Variants in SAXO2 observed in about 807,000 individuals in gnomAD.
SAXO2 encodes the protein stabilizer of axonemal microtubules 2.
Under a neutral mutation model 18.7 loss-of-function variants are expected in SAXO2, and 17 were observed. The observed-to-expected ratio is 0.91, with a 90% CI of 0.62 to 1.36. The LOEUF is 1.36. Ranked by LOEUF, SAXO2 falls within the 40% of genes most tolerant of loss-of-function variation. The probability of loss-of-function intolerance (pLI) is 0.00; values close to 1 mark genes in which losing one functional copy is unlikely to be tolerated. For synonymous variants in SAXO2, 163 were observed against 181.2 expected (o/e 0.90, Z 0.81); for missense variants, 486 against 562.6 (o/e 0.86, Z 1.38).
intron 1 of SAXO2, chr15:82,264,850 T>C: frequency 1.5e-6 from 1 of 650,326 alleles, no homozygotes; most frequent in Non-Finnish European, 2.8e-6. Context: ...GCCTCTATTA[T>C]GTTCCATGCA....
At chr15:82,263,616 C>T (rs1222522205) in intron 1 of SAXO2, among the ~76,000 whole-genome samples, 2 of 152,178 alleles carry the variant, frequency 1.3e-5, no homozygotes, top group Non-Finnish European at 2.9e-5. Context: ...TAATCCCATT[C>T]AAAGAAAACA....
rs955623841 is a variant in SAXO2, at chr15:82,284,187, T to C, written c.*1125T>C. On this transcript the variant is annotated 3_prime_UTR_variant, in exon 4 of 4. Transcript: ENST00000682753. Reference sequence around the variant, plus strand: ...ATCTCTTTTTGTACTTGTTTTCTCCTTTTCAAATTAGGATAATTACTTACT... The same window carrying C: ...ATCTCTTTTTGTACTTGTTTTCTCCCTTTCAAATTAGGATAATTACTTACT... The C allele has an allele frequency of 2.6e-4, 40 of 152,364 alleles. No individual in the cohort carries two copies. The highest frequency in any genetic ancestry group is 9.6e-4 in the African/African-American group (40 of 41,580). 9.4% of individuals were successfully genotyped at this position (152,364 alleles called of 1,614,324 possible). A position where few individuals can be genotyped will look rare whatever the true frequency, so the allele number is the denominator to read the frequency against.
chr15:82,266,867 C>G (rs369535325), intron 2 of SAXO2, among the ~76,000 whole-genome samples: 18 of 152,212 alleles, frequency 1.2e-4, no homozygotes, highest in African/African-American at 4.3e-4. Context: ...CTAGCACATA[C>G]TAGGTACCCA....
chr15:82,263,074 AT>A (rs1269686382), intron 1 of SAXO2, 142 bp downstream of exon 1: 1 of 1,513,200 alleles, frequency 6.6e-7, no homozygotes, highest in Non-Finnish European at 8.8e-7. Flanking sequence ...ATCCCCACTT[AT>A]CCCGCTCCGC....
intron 3 of SAXO2, among the ~76,000 whole-genome samples, chr15:82,273,686 T>G: frequency 6.6e-6 from 1 of 151,944 alleles, no homozygotes; most frequent in East Asian, 1.9e-4. Flanking sequence ...TAGGAGAAAA[T>G]GTACTGTGCC....
At chr15:82,264,131 C>T (rs562478743) in intron 1 of SAXO2, among the ~76,000 whole-genome samples, 32 of 141,722 alleles carry the variant, frequency 2.3e-4, no homozygotes, top group South Asian at 1.5e-3. Context: ...AGTGCAGTGG[C>T]GCAATCTCGG....
chr15:82,270,749 A>C (rs976787205), intron 2 of SAXO2, among the ~76,000 whole-genome samples: 3 of 152,242 alleles, frequency 2.0e-5, no homozygotes, highest in Admixed American at 1.3e-4. Flanking sequence ...CAGTCTTCAA[A>C]GCATGTGTGT....
At chr15:82,264,625 C>G (rs1208761256) in intron 1 of SAXO2, 1 of 702,040 alleles carries the variant, frequency 1.4e-6, no homozygotes, top group Non-Finnish European at 2.6e-6. Flanking sequence ...CTTGGAAGAA[C>G]TTAAGAAATC....
At position 82,282,213 on chromosome 15, in the gene SAXO2, A is replaced by G. The variant is rs141621278; in HGVS notation, c.528A>G (p.Thr176=). Residue 176 remains threonine (T), a synonymous_variant, in exon 4 of 4, where the codon ACA becomes ACG. Transcript: ENST00000682753. The stretch of plus-strand genomic sequence containing the variant: ...CTGTGAAATTTGGAAATTCAACTAC[A>G]TTTCAGGATGATTTTGTTCCTCAGG... ...PPTVKFGNST[T]FQDDFVPQEI... 561 of 1,614,170 alleles carry G rather than the reference A, an allele frequency of 3.5e-4. 1 individual carries two copies. The Middle Eastern group carries it at 7.4e-3, about 21-fold the overall frequency.
rs1271639858 is a variant in SAXO2, at chr15:82,264,905, C to T, written c.54-664C>T. On this transcript the variant is annotated intron_variant, in intron 1 of 3. Coordinates refer to ENST00000682753, the MANE Select transcript of SAXO2 (RefSeq NM_001348699.2). ...CTTGACTCTCTCCTTATGTAGCTCT[C>T]TTCTGAATCAAAGTATCATGTGAAT... The T allele has an allele frequency of 2.7e-5, 16 of 592,000 alleles. 1 individual carries two copies. In the Admixed American group the frequency reaches 4.1e-4, roughly 15 times the overall value. The allele number at this position is 592,000 out of a possible 1,614,324, so 36.7% of individuals were successfully genotyped here.
At chr15:82,267,611 A>G (rs541308725) in intron 2 of SAXO2, among the ~76,000 whole-genome samples, 1 of 152,278 alleles carries the variant, frequency 6.6e-6, no homozygotes, top group South Asian at 2.1e-4. Context: ...TTTTGGTGTT[A>G]GTTATTTTCA....
At position 82,282,975 on chromosome 15, in the gene SAXO2, C is replaced by G. The variant is rs2075380896; in HGVS notation, c.1290C>G (p.Pro430=). 6.2e-7 allele frequency: 1 copy of G among 1,614,084 alleles called. No individual in the cohort carries two copies. The highest frequency in any genetic ancestry group is 8.5e-7 in the Non-Finnish European group (1 of 1,179,994). Residue 430 remains proline, a synonymous_variant, in exon 4 of 4, where the codon CCC becomes CCG. Coordinates refer to ENST00000682753, the MANE Select transcript of SAXO2 (RefSeq NM_001348699.2). ...KRQEICPASY[P]SPPGYIFDNT... ...AGGAAATTTGCCCAGCCAGCTATCC[C>G]TCTCCTCCAGGTTATATTTTCGACA... is the stretch of plus-strand genomic sequence containing the variant.
At chr15:82,268,214 G>C (rs879711475) in intron 2 of SAXO2, among the ~76,000 whole-genome samples, 2 of 151,916 alleles carry the variant, frequency 1.3e-5, no homozygotes, top group Non-Finnish European at 2.9e-5. Flanking sequence ...TTAGAGATTT[G>C]AAATAAATTT....
chr15:82,280,100 C>A (rs2075350319), intron 3 of SAXO2, among the ~76,000 whole-genome samples: 1 of 152,166 alleles, frequency 6.6e-6, no homozygotes, highest in African/African-American at 2.4e-5. Context: ...TTTAAAGATA[C>A]TGCTAGAATG....
At chr15:82,269,090 A>G (rs925807564) in intron 2 of SAXO2, among the ~76,000 whole-genome samples, 17 of 152,250 alleles carry the variant, frequency 1.1e-4, no homozygotes, top group African/African-American at 3.9e-4. Context: ...TTAAGCATTT[A>G]TTAAGCATGA....
intron 1 of SAXO2, chr15:82,264,723 A>T (rs1400024442): frequency 4.3e-6 from 3 of 702,286 alleles, no homozygotes; most frequent in African/African-American, 1.7e-5. Context: ...GAAAATTGCA[A>T]CAGAGCTGTA....
In SAXO2 at chr15:82,283,205, G is replaced by A. The variant is rs2075383736; in HGVS notation, c.*143G>A. 1 of 526,356 alleles carries A rather than the reference G, an allele frequency of 1.9e-6. No homozygotes were observed. 32.6% of individuals were successfully genotyped at this position (526,356 alleles called of 1,614,324 possible). ...AAGAAAATTGGAAAATATATTATAA[G>A]AAATCAGAATCTTAAAACCATTTTT... On this transcript the variant is annotated 3_prime_UTR_variant, in exon 4 of 4. Coordinates refer to ENST00000682753, the MANE Select transcript of SAXO2 (RefSeq NM_001348699.2).
intron 3 of SAXO2, among the ~76,000 whole-genome samples, chr15:82,275,376 G>A (rs1433450111): frequency 1.3e-5 from 2 of 149,512 alleles, no homozygotes; most frequent in Non-Finnish European, 3.0e-5. Flanking sequence ...ACCAATCCTA[G>A]TGAAAGTATT....
chr15:82,277,619 T>C (rs1334058404), intron 3 of SAXO2, among the ~76,000 whole-genome samples: 9 of 152,046 alleles, frequency 5.9e-5, no homozygotes, highest in Non-Finnish European at 1.2e-4. Context: ...AGCCAGATAA[T>C]CTACAAAATC....
Sources: gnomAD v4.1 joint callset for allele counts (sites outside exome capture counted in the v4.1 genomes callset) on GRCh38, gnomAD v4.1.1 for gene constraint, MANE v1.5 for transcripts, NCBI Gene and HGNC (gene_info 2026-07-23, HGNC 2026-07-21) for gene names.